The following CTNNA1 variants were observed in gnomAD, a reference collection of about 807,000 sequenced individuals.
CTNNA1 encodes catenin alpha 1.
In CTNNA1, 37 loss-of-function variants were observed where a neutral mutation model predicts 98.4. The ratio of observed to expected loss-of-function variants is 0.38; its 90% CI spans 0.29 to 0.49. CTNNA1 has a LOEUF of 0.49. Ranked by LOEUF, CTNNA1 falls within the 20% of genes least tolerant of loss-of-function variation. The pLI, the probability that CTNNA1 is intolerant of heterozygous loss-of-function variation, is 0.95. For synonymous variants in CTNNA1, 404 were observed against 413.2 expected, an observed-to-expected ratio of 0.98 and a Z score of 0.27; for missense variants, 761 against 1,147.2, an observed-to-expected ratio of 0.66 and a Z score of 4.86.
At chr5:138,812,994 A>G (rs1203656901) in intron 5 of CTNNA1, among the ~76,000 whole-genome samples, 2 of 152,252 alleles carry the variant, frequency 1.3e-5, no homozygotes, top group Non-Finnish European at 1.5e-5. Context: ...AACAAGCCCC[A>G]AGAAGAATAG....
chr5:138,776,295 C>T (rs544580498), intron 1 of CTNNA1, among the ~76,000 whole-genome samples: 2 of 151,928 alleles, frequency 1.3e-5, no homozygotes, highest in East Asian at 2.0e-4. Flanking sequence ...GCACATCTTG[C>T]ACCACCTCAA....
intron 7 of CTNNA1, among the ~76,000 whole-genome samples, chr5:138,863,267 G>T (rs1764450681): frequency 6.6e-6 from 1 of 151,634 alleles, no homozygotes; most frequent in South Asian, 2.1e-4. Flanking sequence ...ACAGTGTCTT[G>T]CTCTGTTGCC....
intron 9 of CTNNA1, among the ~76,000 whole-genome samples, chr5:138,890,917 A>G (rs1755204789): frequency 6.6e-6 from 1 of 152,188 alleles, no homozygotes. Context: ...CAGACAAATT[A>G]TATAATACCT....
chr5:138,766,639 A>G (rs1210360643), intron 1 of CTNNA1, among the ~76,000 whole-genome samples: 1 of 152,028 alleles, frequency 6.6e-6, no homozygotes, highest in Non-Finnish European at 1.5e-5. Context: ...AAATGAGGCT[A>G]GAGTCTCATT....
At chr5:138,797,345 G>T (rs1161117387) in intron 3 of CTNNA1, among the ~76,000 whole-genome samples, 1 of 152,128 alleles carries the variant, frequency 6.6e-6, no homozygotes, top group Admixed American at 6.5e-5. Context: ...GTATGTGTTG[G>T]TTGTAGTGTT....
At chr5:138,868,070 T>C (rs1023135184) in intron 7 of CTNNA1, among the ~76,000 whole-genome samples, 20 of 152,304 alleles carry the variant, frequency 1.3e-4, no homozygotes, top group African/African-American at 4.8e-4. Context: ...CTTAATAACA[T>C]TTTCTTTTCT....
intron 1 of CTNNA1, among the ~76,000 whole-genome samples, chr5:138,758,723 T>G (rs1035523073): frequency 2.0e-5 from 3 of 152,164 alleles, no homozygotes; most frequent in Non-Finnish European, 2.9e-5. Flanking sequence ...TTCCCATACC[T>G]TCCTTTAGTT....
intron 3 of CTNNA1, among the ~76,000 whole-genome samples, 177 bp downstream of exon 3, chr5:138,783,549 T>C (rs571991202): frequency 9.2e-5 from 14 of 152,344 alleles, no homozygotes; most frequent in South Asian, 2.1e-4. Context: ...CTCATTCTTA[T>C]GCTTGCCAGT....
chr5:138,773,544 T>C (rs1753772294), intron 1 of CTNNA1, among the ~76,000 whole-genome samples: 1 of 152,216 alleles, frequency 6.6e-6, no homozygotes, highest in Admixed American at 6.5e-5. Context: ...AAAGGTGCTA[T>C]ACAGGGCAGT....
intron 11 of CTNNA1, among the ~76,000 whole-genome samples, chr5:138,924,014 C>G (rs1763451185): frequency 6.6e-6 from 1 of 152,238 alleles, no homozygotes; most frequent in African/African-American, 2.4e-5. Flanking sequence ...AACCTGCTTT[C>G]CAGCACCTTC....
At chr5:138,822,057 C>T (rs1581157416) in intron 5 of CTNNA1, among the ~76,000 whole-genome samples, 1 of 152,204 alleles carries the variant, frequency 6.6e-6, no homozygotes, top group African/African-American at 2.4e-5. Context: ...GATGGTATTT[C>T]GTTATTATTT....
chr5:138,774,428 CCT>C (rs1245888197), intron 1 of CTNNA1, among the ~76,000 whole-genome samples: 1 of 152,092 alleles, frequency 6.6e-6, no homozygotes, highest in East Asian at 1.9e-4. Flanking sequence ...GCATCCCTGG[CCT>C]CTCTTGAAAA....
chr5:138,759,980 C>CTTCTTTTTTT (rs1752136893), intron 1 of CTNNA1, among the ~76,000 whole-genome samples: 2 of 61,232 alleles, frequency 3.3e-5, no homozygotes, highest in African/African-American at 1.6e-4. Context: ...AATTTCTTTC[C>CTTCTTTTTTT]TTTTTTTTTT....
intron 7 of CTNNA1, among the ~76,000 whole-genome samples, chr5:138,863,145 A>G (rs957798223): frequency 6.6e-6 from 1 of 151,122 alleles, no homozygotes; most frequent in Admixed American, 6.6e-5. Flanking sequence ...TTGAAAATCT[A>G]GGTGGTTTTT....
intron 7 of CTNNA1, among the ~76,000 whole-genome samples, chr5:138,840,118 G>A (rs1404914483): frequency 6.6e-6 from 1 of 152,218 alleles, no homozygotes; most frequent in African/African-American, 2.4e-5. Context: ...TGAAGATGGG[G>A]ATATAATGGG....
At position 138,870,637 on chromosome 5, in the gene CTNNA1, T is replaced by C. The variant is rs1359544544; in HGVS notation, c.1063-15575T>C. The C allele has an allele frequency of 2.6e-5, 4 of 152,102 alleles. No homozygotes were observed. The East Asian group carries it at 7.7e-4, about 29-fold the overall frequency. 9.4% of individuals were successfully genotyped at this position (152,102 alleles called of 1,614,324 possible). A position where few individuals can be genotyped will look rare whatever the true frequency, so the allele number is the denominator to read the frequency against. On this transcript the variant is annotated intron_variant, in intron 7 of 17. Coordinates refer to ENST00000302763, the MANE Select transcript of CTNNA1 (RefSeq NM_001903.5). Reference sequence around the variant, plus strand: ...CCCATCCCACAGTTTAAATCTTAATTTTGTTTGTGGTTTGAAATGATGGAA... The same window carrying C: ...CCCATCCCACAGTTTAAATCTTAATCTTGTTTGTGGTTTGAAATGATGGAA...
intron 10 of CTNNA1, among the ~76,000 whole-genome samples, chr5:138,910,226 C>CTTTTTTTTTTTTTTTTTTTTTTTTTTT (rs70982740): frequency 1.9e-5 from 1 of 53,228 alleles, no homozygotes; most frequent in African/African-American, 7.9e-5. Flanking sequence ...TCCTACTTTT[C>CTTTTTTTTTTTTTTTTTTTTTTTTTTT]TTTTTTTTTT....
intron 3 of CTNNA1, among the ~76,000 whole-genome samples, chr5:138,796,707 C>A (rs1417685846): frequency 6.6e-6 from 1 of 152,158 alleles, no homozygotes; most frequent in Non-Finnish European, 1.5e-5. Context: ...GAAACTGATC[C>A]TGAAATGAGT....
intron 6 of CTNNA1, among the ~76,000 whole-genome samples, chr5:138,825,578 C>T (rs1449132217): frequency 1.4e-5 from 2 of 141,394 alleles, no homozygotes; most frequent in Admixed American, 1.5e-4. Context: ...TCCAGGTGAC[C>T]AGCATCCTTT....
Sources: gnomAD v4.1 joint callset for allele counts (sites outside exome capture counted in the v4.1 genomes callset) on GRCh38, gnomAD v4.1.1 for gene constraint, MANE v1.5 for transcripts, NCBI Gene and HGNC (gene_info 2026-07-23, HGNC 2026-07-21) for gene names.